Variants in PPARGC1A observed in about 807,000 individuals in gnomAD.
The protein encoded by PPARGC1A is PPARG coactivator 1 alpha, also known as peroxisome proliferator-activated receptor gamma coactivator 1-alpha.
PPARGC1A carries 25 observed loss-of-function variants against 88.7 expected under a neutral mutation model. The ratio of observed to expected loss-of-function variants is 0.28; its 90% CI spans 0.21 to 0.39. The LOEUF (loss-of-function observed/expected upper bound fraction) is 0.39, where lower values mean the gene tolerates loss of function less well. Among genes scored for constraint, PPARGC1A ranks in the 10% least tolerant of loss-of-function variants. The pLI, the probability that PPARGC1A is intolerant of heterozygous loss-of-function variation, is 1.00. For missense variants in PPARGC1A, 880 were observed against 968.7 expected (o/e 0.91, Z 1.22); for synonymous variants, 363 against 355.6 (o/e 1.02, Z -0.24).
chr4:24,014,456 C>G, the PPARGC1A span, among the ~76,000 whole-genome samples: 1 of 152,164 alleles, frequency 6.6e-6, no homozygotes, highest in African/African-American at 2.4e-5. Context: ...AAACAATGCA[C>G]TTTTATTATC....
chr4:23,957,480 G>A, the PPARGC1A span, among the ~76,000 whole-genome samples: 1 of 152,228 alleles, frequency 6.6e-6, no homozygotes, highest in Non-Finnish European at 1.5e-5. Context: ...CGATTTAGCA[G>A]ACCATCCTTA....
At chr4:23,963,857 A>C in the PPARGC1A span, among the ~76,000 whole-genome samples, 1 of 152,290 alleles carries the variant, frequency 6.6e-6, no homozygotes, top group African/African-American at 2.4e-5. Context: ...AGAGTAAGGA[A>C]GGATCGGCCA....
the PPARGC1A span, among the ~76,000 whole-genome samples, chr4:24,063,581 T>C: frequency 1.3e-5 from 2 of 152,274 alleles, no homozygotes; most frequent in Non-Finnish European, 2.9e-5. Context: ...TAAATATTAA[T>C]GTCCGTAGAG....
the PPARGC1A span, among the ~76,000 whole-genome samples, chr4:24,445,234 G>A: frequency 6.6e-5 from 10 of 152,272 alleles, no homozygotes; most frequent in East Asian, 1.3e-3. Context: ...GGAACAAACC[G>A]TCTGTGGTCA....
rs1159976576 is a variant in PPARGC1A at position 23,812,877 on chromosome 4, A to G, written c.1899-10T>C. The G allele has an allele frequency of 3.1e-6, 5 of 1,614,008 alleles. No individual in the cohort carries two copies. Among genetic ancestry groups the G allele is most frequent in the Non-Finnish European group, 4.2e-6 (5 of 1,179,972 alleles). On this transcript the variant is annotated splice_polypyrimidine_tract_variant and intron_variant, in intron 9 of 12. Transcript: ENST00000264867. ...CTCGTAGCTGTCATACCTGGGAAAC[A>G]TAACTTTATCACTAAGTCAACCACC...
At chr4:24,379,243 A>G in the PPARGC1A span, among the ~76,000 whole-genome samples, 1 of 152,214 alleles carries the variant, frequency 6.6e-6, no homozygotes, top group Non-Finnish European at 1.5e-5. Flanking sequence ...CCATGGATGT[A>G]GAGAGTAGAA....
rs186461683 is a variant in PPARGC1A, at chr4:23,856,413, C to T, written c.235-24662G>A. The stretch of plus-strand genomic sequence containing the variant: ...CCTTTGTTCGTTGGCTTTCATCAGC[C>T]CCATCAGAGAGAGGCCCGGGCCATG... On this transcript the variant is annotated intron_variant, in intron 2 of 12. Coordinates refer to ENST00000264867, the MANE Select transcript of PPARGC1A (RefSeq NM_013261.5). 1.1e-3 allele frequency among the ~76,000 whole-genome samples: 169 copies of T among 152,236 alleles called. 1 individual carries two copies. The highest frequency in any genetic ancestry group is 0.011 in the Admixed American group (168 of 15,290).
At chr4:24,004,371 G>T in the PPARGC1A span, among the ~76,000 whole-genome samples, 1 of 152,202 alleles carries the variant, frequency 6.6e-6, no homozygotes, top group East Asian at 1.9e-4. Flanking sequence ...CATTGAGAAG[G>T]CACAACACTC....
rs1049761719 is a variant in PPARGC1A, at chr4:23,871,816, G to A, written c.234+12936C>T. ...GGCACTTTTCCCCTATACAAGAGCC[G>A]TTTCAAAGCAGAAATAAATTTCTCA... On this transcript the variant is annotated intron_variant, in intron 2 of 12. Transcript: ENST00000264867. 5.9e-5 allele frequency among the ~76,000 whole-genome samples: 9 copies of A among 152,282 alleles called. No homozygotes were observed. The South Asian group carries it at 1.0e-3, about 18-fold the overall frequency.
the PPARGC1A span, among the ~76,000 whole-genome samples, chr4:24,175,538 C>CA: frequency 2.4e-5 from 2 of 84,878 alleles, no homozygotes; most frequent in East Asian, 3.9e-4. Flanking sequence ...CCACACCAAG[C>CA]TTTTTTTTTT....
the PPARGC1A span, among the ~76,000 whole-genome samples, chr4:24,317,175 T>C: frequency 6.6e-6 from 1 of 152,036 alleles, no homozygotes; most frequent in South Asian, 2.1e-4. Flanking sequence ...CATACTACCC[T>C]TAACCATTGC....
At chr4:24,127,240 C>T in the PPARGC1A span, among the ~76,000 whole-genome samples, 1 of 152,020 alleles carries the variant, frequency 6.6e-6, no homozygotes, top group South Asian at 2.1e-4. Context: ...AACCATGGCA[C>T]CATCCACCAT....
At chr4:24,458,635 C>T in the PPARGC1A span, among the ~76,000 whole-genome samples, 2 of 152,124 alleles carry the variant, frequency 1.3e-5, no homozygotes, top group Non-Finnish European at 2.9e-5. Context: ...TACATTTGTA[C>T]GGCCTTTAAC....
chr4:23,948,530 C>A, the PPARGC1A span, among the ~76,000 whole-genome samples: 10,812 of 152,060 alleles, frequency 0.071, 1,147 homozygotes, highest in African/African-American at 0.23. Flanking sequence ...GCAATGAAAC[C>A]TTTGGTTTCT....
chr4:24,204,142 G>C, the PPARGC1A span, among the ~76,000 whole-genome samples: 1 of 152,060 alleles, frequency 6.6e-6, no homozygotes, highest in African/African-American at 2.4e-5. Flanking sequence ...CTTAATGAGG[G>C]CCTCCTAGGA....
the PPARGC1A span, among the ~76,000 whole-genome samples, chr4:24,273,861 G>C: frequency 2.6e-5 from 4 of 151,348 alleles, no homozygotes; most frequent in African/African-American, 9.7e-5. Context: ...TTCCTGAGTA[G>C]GTGGGATTAC....
the PPARGC1A span, among the ~76,000 whole-genome samples, chr4:24,120,002 G>C: frequency 1.3e-5 from 2 of 152,138 alleles, no homozygotes; most frequent in African/African-American, 4.8e-5. Flanking sequence ...AAATAGTAGA[G>C]GAAGGCAGCT....
chr4:23,806,026 T>C (rs929876263), intron 10 of PPARGC1A, among the ~76,000 whole-genome samples: 1 of 152,182 alleles, frequency 6.6e-6, no homozygotes, highest in African/African-American at 2.4e-5. Flanking sequence ...TAATGGATAC[T>C]GATACATTCT....
chr4:24,299,356 C>T, the PPARGC1A span, among the ~76,000 whole-genome samples: 1 of 151,994 alleles, frequency 6.6e-6, no homozygotes, highest in Non-Finnish European at 1.5e-5. Context: ...TATATATTAA[C>T]ATCACAATGT....
Sources: gnomAD v4.1 joint callset for allele counts (sites outside exome capture counted in the v4.1 genomes callset) on GRCh38, gnomAD v4.1.1 for gene constraint, MANE v1.5 for transcripts, NCBI Gene and HGNC (gene_info 2026-07-23, HGNC 2026-07-21) for gene names.